LRBA: variants seen among roughly 807,000 people sequenced by gnomAD.
LRBA encodes LPS responsive beige-like anchor protein, also known as lipopolysaccharide-responsive and beige-like anchor protein.
In LRBA, 176 loss-of-function variants were observed where a neutral mutation model predicts 330.0. The ratio of observed to expected loss-of-function variants is 0.53; its 90% CI spans 0.47 to 0.60. LRBA has a LOEUF of 0.60. LRBA is among the 20% of genes least tolerant of loss of function. LRBA has a pLI of 0.00. For missense variants in LRBA, 3,259 were observed against 3,444.8 expected, an observed-to-expected ratio of 0.95 and a Z score of 1.35; for synonymous variants, 1,230 against 1,193.0, an observed-to-expected ratio of 1.03 and a Z score of -0.64.
chr4:150,704,298 G>A (rs1388768982), intron 36 of LRBA, among the ~76,000 whole-genome samples: 1 of 151,792 alleles, frequency 6.6e-6, no homozygotes, highest in Non-Finnish European at 1.5e-5. Flanking sequence ...AGCCTAAAAT[G>A]CTATGTGCCA....
At chr4:150,744,669 G>A (rs1193416777) in intron 35 of LRBA, among the ~76,000 whole-genome samples, 3 of 152,028 alleles carry the variant, frequency 2.0e-5, no homozygotes, top group Middle Eastern at 3.2e-3. Context: ...TATTTTAGTT[G>A]GGGAAAAAGA....
intron 56 of LRBA, among the ~76,000 whole-genome samples, chr4:150,271,154 A>G (rs1301998939): frequency 6.6e-6 from 1 of 152,288 alleles, no homozygotes; most frequent in East Asian, 1.9e-4. Context: ...GGACTGTGCC[A>G]TGAGGAATGG....
At chr4:150,594,793 T>C (rs1227671039) in intron 38 of LRBA, among the ~76,000 whole-genome samples, 3 of 151,960 alleles carry the variant, frequency 2.0e-5, no homozygotes, top group African/African-American at 7.2e-5. Context: ...GTCCCCAAAA[T>C]GTAAAATTCA....
intron 35 of LRBA, among the ~76,000 whole-genome samples, chr4:150,751,458 G>C (rs1341112766): frequency 6.6e-6 from 1 of 150,778 alleles, no homozygotes; most frequent in Non-Finnish European, 1.5e-5. Context: ...TATTCTAAGG[G>C]GTCAATTTTT....
chr4:150,656,102 C>T (rs1193512254), intron 37 of LRBA, among the ~76,000 whole-genome samples: 2 of 152,276 alleles, frequency 1.3e-5, no homozygotes, highest in East Asian at 3.9e-4. Context: ...ATTTTCAAAA[C>T]GTCTGCCATT....
chr4:150,914,500 T>C lies in LRBA; in HGVS notation c.1015-159A>G, dbSNP rs13150306. ...AACCATTAGAAAGAATGTTGAAAAATGTGTATGTAATGACATTAGGGGATA... is the reference window on the plus strand; with the variant it reads ...AACCATTAGAAAGAATGTTGAAAAACGTGTATGTAATGACATTAGGGGATA... On this transcript the variant is annotated intron_variant, in intron 8 of 56. Coordinates refer to ENST00000651943, the MANE Select transcript of LRBA (RefSeq NM_001364905.1). Among the ~76,000 whole-genome samples, 39,810 of 151,910 alleles carry C rather than the reference T, an allele frequency of 0.26. 6,731 individuals are homozygous for C. The highest frequency in any genetic ancestry group is 0.38 in the Non-Finnish European group (26,124 of 67,896).
intron 44 of LRBA, among the ~76,000 whole-genome samples, chr4:150,439,505 A>T (rs1349436304): frequency 1.3e-5 from 2 of 148,828 alleles, no homozygotes; most frequent in Non-Finnish European, 3.0e-5. Context: ...AAAGAAAGTT[A>T]AAAAAAAAAG....
intron 53 of LRBA, among the ~76,000 whole-genome samples, chr4:150,295,532 T>C (rs536958176): frequency 6.6e-6 from 1 of 152,310 alleles, no homozygotes; most frequent in South Asian, 2.1e-4. Context: ...ATCAAGGTAG[T>C]ACATGCTCAT....
At chr4:150,675,562 C>T (rs1465023369) in intron 37 of LRBA, among the ~76,000 whole-genome samples, 5 of 151,694 alleles carry the variant, frequency 3.3e-5, no homozygotes, top group Non-Finnish European at 7.4e-5. Context: ...ACTACAAATA[C>T]AAAAAATCAG....
chr4:150,475,925 A>C (rs901693268), intron 42 of LRBA, among the ~76,000 whole-genome samples: 2 of 151,928 alleles, frequency 1.3e-5, no homozygotes, highest in Admixed American at 6.6e-5. Context: ...AAAAAGAAAA[A>C]TAAACAGGAA....
intron 55 of LRBA, among the ~76,000 whole-genome samples, chr4:150,281,835 T>C (rs981318806): frequency 1.2e-4 from 19 of 152,224 alleles, no homozygotes; most frequent in Non-Finnish European, 2.4e-4. Flanking sequence ...CTAATACTTG[T>C]GGAGTCCTGT....
At chr4:150,510,271 C>T (rs543074533) in intron 40 of LRBA, among the ~76,000 whole-genome samples, 8 of 152,228 alleles carry the variant, frequency 5.3e-5, no homozygotes, top group African/African-American at 1.9e-4. Context: ...CCAGGCTCAG[C>T]AGACTACACT....
At chr4:150,642,007 C>A (rs1011297407) in intron 37 of LRBA, among the ~76,000 whole-genome samples, 1 of 151,956 alleles carries the variant, frequency 6.6e-6, no homozygotes, top group Non-Finnish European at 1.5e-5. Context: ...ATATTTTAAA[C>A]TACTGAGTCA....
At chr4:150,554,078 T>C (rs961966720) in intron 40 of LRBA, among the ~76,000 whole-genome samples, 1 of 152,188 alleles carries the variant, frequency 6.6e-6, no homozygotes, top group Non-Finnish European at 1.5e-5. Flanking sequence ...AGGAGATACA[T>C]GCAGGACATG....
intron 48 of LRBA, among the ~76,000 whole-genome samples, chr4:150,346,757 C>CAAAAAAAAAAAAAAAAAAAA (rs57119340): frequency 6.0e-5 from 4 of 66,152 alleles, no homozygotes; most frequent in African/African-American, 3.1e-4. Flanking sequence ...GACTCTGTCT[C>CAAAAAAAAAAAAAAAAAAAA]AAAAAAAAAA....
chr4:150,492,904 G>T (rs1053732009), intron 40 of LRBA, among the ~76,000 whole-genome samples: 1 of 152,054 alleles, frequency 6.6e-6, no homozygotes, highest in African/African-American at 2.4e-5. Context: ...CTAAACCCCA[G>T]TTACTCCATT....
chr4:150,290,350 C>A (rs1302111370), intron 53 of LRBA, among the ~76,000 whole-genome samples: 1 of 152,078 alleles, frequency 6.6e-6, no homozygotes, highest in African/African-American at 2.4e-5. Context: ...CAAGTTAATT[C>A]TTCTGATAAA....
chr4:150,843,682 T>C (rs1749430932), intron 28 of LRBA, among the ~76,000 whole-genome samples: 1 of 152,196 alleles, frequency 6.6e-6, no homozygotes, highest in Non-Finnish European at 1.5e-5. Flanking sequence ...GCATCAATTT[T>C]AGAATTAAGA....
intron 53 of LRBA, among the ~76,000 whole-genome samples, chr4:150,286,400 C>A (rs571960880): frequency 3.9e-4 from 60 of 152,266 alleles, no homozygotes; most frequent in Middle Eastern, 3.4e-3. Flanking sequence ...CAAAGAAAGG[C>A]CTCGCCCCTC....
Sources: gnomAD v4.1 joint callset for allele counts (sites outside exome capture counted in the v4.1 genomes callset) on GRCh38, gnomAD v4.1.1 for gene constraint, MANE v1.5 for transcripts, NCBI Gene and HGNC (gene_info 2026-07-23, HGNC 2026-07-21) for gene names.